Variants in KRT8 observed in about 807,000 individuals in gnomAD.
KRT8 encodes the protein keratin 8.
Under a neutral mutation model 43.0 loss-of-function variants are expected in KRT8, and 24 were observed. The ratio of observed to expected loss-of-function variants is 0.56; its 90% confidence interval spans 0.40 to 0.78. The LOEUF is 0.78. Among genes scored for constraint, KRT8 ranks in the 30% least tolerant of loss-of-function variants. The pLI, the probability that KRT8 is intolerant of heterozygous loss-of-function variation, is 0.00. For synonymous variants in KRT8, 214 were observed against 261.2 expected (o/e 0.82, Z 1.74); for missense variants, 492 against 638.4 (o/e 0.77, Z 2.47).
At chr12:52,911,798 T>A (rs182242405), upstream of KRT8, among the ~76,000 whole-genome samples, 1,540 of 152,118 alleles carry the variant, frequency 0.01, 77 homozygotes, top group Admixed American at 0.092. Flanking sequence ...TTTGGGTGGG[T>A]GGATCACTTG....
upstream of KRT8, among the ~76,000 whole-genome samples, chr12:52,907,762 C>T (rs1312562737): frequency 6.6e-6 from 1 of 152,226 alleles, no homozygotes; most frequent in Admixed American, 6.5e-5. Flanking sequence ...ATGCCCCAAG[C>T]ACAGCCTCGG....
At chr12:52,898,960 C>G in intron 5 of KRT8, 61 bp from the exon 6 acceptor site, 5 of 1,473,526 alleles carry the variant, frequency 3.4e-6, no homozygotes, top group Middle Eastern at 4.7e-4. Context: ...CTCCCGTGCT[C>G]CCACCCTCCC....
chr12:52,922,851 C>G (rs2120667426), intron 2 of KRT8, among the ~76,000 whole-genome samples: 1 of 152,302 alleles, frequency 6.6e-6, no homozygotes, highest in Non-Finnish European at 1.5e-5. Context: ...TTCCCAGTCC[C>G]CTGGATCTAG....
chr12:52,944,122 C>G (rs979357535), intron 2 of KRT8, among the ~76,000 whole-genome samples: 1 of 152,092 alleles, frequency 6.6e-6, no homozygotes, highest in African/African-American at 2.4e-5. Context: ...CTTCCAGGCA[C>G]GTCATCTCAT....
rs77842497 is a variant in KRT8, at chr12:52,946,013, G to A, written c.-47+3443C>T. On this transcript the variant is annotated intron_variant, in intron 2 of 6. Transcript: ENST00000546826. ...ATCTGGAAGTGGTGGAAAGGGGCAG[G>A]CTGGTGCTGGAAGCCCGAGGTCGGT... Among the ~76,000 whole-genome samples, 864 of 152,306 alleles carry A rather than the reference G, an allele frequency of 5.7e-3. 30 individuals are homozygous for A. In the East Asian group the frequency reaches 0.081, roughly 14 times the overall value.
At chr12:52,905,491 C>A (rs1367684263), upstream of KRT8, among the ~76,000 whole-genome samples, 7 of 152,098 alleles carry the variant, frequency 4.6e-5, no homozygotes, top group East Asian at 1.4e-3. Flanking sequence ...TGCCGACACC[C>A]CAGAGAAACT....
At chr12:52,905,112 G>C (rs184843692), upstream of KRT8, 1 of 1,441,074 alleles carries the variant, frequency 6.9e-7, no homozygotes. Flanking sequence ...CCCGGGGGAT[G>C]GGGGGGAAAG....
chr12:52,930,712 C>T (rs767187782), intron 2 of KRT8, among the ~76,000 whole-genome samples: 2 of 152,022 alleles, frequency 1.3e-5, no homozygotes, highest in African/African-American at 2.4e-5. Flanking sequence ...AGGCATGCAC[C>T]ACCACACCTG....
chr12:52,938,166 A>ATT (rs1297253183), intron 2 of KRT8, among the ~76,000 whole-genome samples: 23 of 37,024 alleles, frequency 6.2e-4, no homozygotes, highest in South Asian at 2.3e-3. Flanking sequence ...ATATATATAT[A>ATT]TATATTTTTT....
chr12:52,905,594 A>G (rs900189666), upstream of KRT8, among the ~76,000 whole-genome samples: 3 of 152,172 alleles, frequency 2.0e-5, no homozygotes, highest in African/African-American at 7.2e-5. Context: ...TCTGAAATCA[A>G]CCATTTGCCT....
At chr12:52,945,979 C>T (rs370182115) in intron 2 of KRT8, among the ~76,000 whole-genome samples, 1 of 152,100 alleles carries the variant, frequency 6.6e-6, no homozygotes, top group Non-Finnish European at 1.5e-5. Context: ...AGCCCTGAGC[C>T]ACAGAGGAAT....
rs558652074 is a variant in KRT8, at chr12:52,931,812, G to A, written c.-47+17644C>T. Reference sequence around the variant, plus strand: ...TGAGTAGCTGGGATTACAGGTGCCCGCCACCATGTCTGGCTAATTTTTGTA... The same window carrying A: ...TGAGTAGCTGGGATTACAGGTGCCCACCACCATGTCTGGCTAATTTTTGTA... On this transcript the variant is annotated intron_variant, in intron 2 of 6. Coordinates refer to the KRT8 transcript ENST00000546826. 1.5e-4 allele frequency among the ~76,000 whole-genome samples: 23 copies of A among 152,068 alleles called. 1 individual carries two copies. The South Asian group carries it at 3.5e-3, about 23-fold the overall frequency.
chr12:52,946,169 T>C (rs942220998), intron 2 of KRT8, among the ~76,000 whole-genome samples: 1 of 152,038 alleles, frequency 6.6e-6, no homozygotes, highest in Non-Finnish European at 1.5e-5. Flanking sequence ...TTCCTAGCAG[T>C]TGGGGTGGGG....
At chr12:52,901,610 T>G in intron 2 of KRT8, 1 of 586,254 alleles carries the variant, frequency 1.7e-6, no homozygotes, top group Non-Finnish European at 3.0e-6. Flanking sequence ...AGGTTTACCA[T>G]GTCAACATTG....
At chr12:52,898,734 C>T (rs769562791) in exon 6 of KRT8, 2 of 1,614,214 alleles carry the variant, frequency 1.2e-6, no homozygotes, top group Admixed American at 3.3e-5. Flanking sequence ...ATGTCCAGGG[C>T]CAGCTTGACG....
rs563693590 is a variant in KRT8, at chr12:52,913,855, C to T, written c.-46-8828G>A. ...TAACACACATCCAAACTCAAATACA[C>T]GGTTACAGGTTTGTTTGTTTTTTCT... On this transcript the variant is annotated intron_variant, in intron 2 of 6. Transcript: ENST00000546826. Among the ~76,000 whole-genome samples the T allele has an allele frequency of 2.3e-4, 35 of 152,298 alleles. No individual in the cohort carries two copies. The South Asian group carries it at 7.1e-3, about 31-fold the overall frequency.
chr12:52,906,256 G>A (rs1592167611), upstream of KRT8, among the ~76,000 whole-genome samples: 1 of 152,242 alleles, frequency 6.6e-6, no homozygotes, highest in East Asian at 1.9e-4. Context: ...GTTGGGGGGG[G>A]CAAGAGGAGA....
chr12:52,899,666 C>A, intron 5 of KRT8, 109 bp downstream of exon 5: 1 of 981,586 alleles, frequency 1.0e-6, no homozygotes, highest in African/African-American at 1.6e-5. Flanking sequence ...CTCCTGAACC[C>A]TGGTCTAGGA....
rs368267213 is a variant in KRT8, at chr12:52,900,573, C to A, written c.690+15G>T. ...AGGCTGGGGGACCCTCACTCTCCTG[C>A]GACCAGGAACATACCTCTTCATATA... On this transcript the variant is annotated intron_variant, in intron 4 of 7. Transcript: ENST00000692008. The A allele has an allele frequency of 6.4e-7, 1 of 1,566,932 alleles. No individual in the cohort carries two copies. The highest frequency in any genetic ancestry group is 1.7e-5 in the Admixed American group (1 of 59,930).
Sources: gnomAD v4.1 joint callset for allele counts (sites outside exome capture counted in the v4.1 genomes callset) on GRCh38, gnomAD v4.1.1 for gene constraint, MANE v1.5 for transcripts, NCBI Gene and HGNC (gene_info 2026-07-23, HGNC 2026-07-21) for gene names.